Variants in DYNC2H1 observed in about 807,000 individuals in gnomAD.
The protein encoded by DYNC2H1 is cytoplasmic dynein 2 heavy chain 1.
In DYNC2H1, 410 loss-of-function variants were observed where a neutral mutation model predicts 570.0. The observed-to-expected ratio is 0.72, with a 90% CI of 0.66 to 0.78. The LOEUF (loss-of-function observed/expected upper bound fraction) is 0.78, where lower values mean the gene tolerates loss of function less well. DYNC2H1 is among the 30% of genes least tolerant of loss of function. The pLI, the probability that DYNC2H1 is intolerant of heterozygous loss-of-function variation, is 0.00. For missense variants in DYNC2H1, 4,865 were observed against 5,046.4 expected (o/e 0.96, Z 1.09); for synonymous variants, 1,688 against 1,677.6 (o/e 1.01, Z -0.15).
At chr11:103,416,633 C>T (rs961346199) in intron 84 of DYNC2H1, among the ~76,000 whole-genome samples, 3 of 152,170 alleles carry the variant, frequency 2.0e-5, no homozygotes, top group Non-Finnish European at 4.4e-5. Flanking sequence ...TGGACCCCTT[C>T]CTTACACCTT....
chr11:103,477,603 A>G (rs1945595899), intron 88 of DYNC2H1, among the ~76,000 whole-genome samples: 1 of 152,012 alleles, frequency 6.6e-6, no homozygotes, highest in Non-Finnish European at 1.5e-5. Flanking sequence ...AGGCCGAGGC[A>G]CACGTATCAC....
rs1458951047 is a variant in DYNC2H1, at chr11:103,244,777, A to G, written c.9919-474A>G. ...TATATCTATAGTTACAGTTATATACATATAAGTACTATATCTATATATAGT... is the reference window on the plus strand; with the variant it reads ...TATATCTATAGTTACAGTTATATACGTATAAGTACTATATCTATATATAGT... On this transcript the variant is annotated intron_variant, in intron 64 of 88. Coordinates refer to ENST00000375735, the MANE Select transcript of DYNC2H1 (RefSeq NM_001377.3). This position sits in a 1 kb window ranked among gnomAD's most constrained non-coding sequence, Gnocchi z 4.3. 6.7e-6 allele frequency among the ~76,000 whole-genome samples: 1 copy of G among 148,642 alleles called. No homozygotes were observed. The highest frequency in any genetic ancestry group is 1.9e-4 in the East Asian group (1 of 5,152).
intron 84 of DYNC2H1, among the ~76,000 whole-genome samples, chr11:103,434,117 C>G (rs1308538900): frequency 6.6e-6 from 1 of 152,052 alleles, no homozygotes; most frequent in Non-Finnish European, 1.5e-5. Context: ...ATGTTTGCAG[C>G]TGAGTGGTTT....
intron 82 of DYNC2H1, among the ~76,000 whole-genome samples, chr11:103,331,662 G>T (rs1019215913): frequency 6.6e-6 from 1 of 152,090 alleles, no homozygotes; most frequent in African/African-American, 2.4e-5. Flanking sequence ...GCAAGAAAAG[G>T]TACCACTCCA....
At position 103,468,656 on chromosome 11, in the gene DYNC2H1, C is replaced by A; in HGVS notation, c.12716C>A (p.Ser4239Tyr). The change falls in exon 88 of 89, where the codon TCT becomes TAT. Residue 4239 changes from serine (S) to tyrosine (Y), a missense_variant. Ser to Tyr is a moderately radical substitution (Grantham distance 144). Around this residue, in one of 5 missense-constraint regions of DYNC2H1, gnomAD observed 2,401 missense variants for 2,454.6 expected, o/e 0.98. Coordinates refer to ENST00000375735, the MANE Select transcript of DYNC2H1 (RefSeq NM_001377.3). ...GNQLSENQLD[S>Y]PSVSSVLPCF... is the part of the protein sequence containing the mutation. ...CAACTTTCTGAAAATCAGCTTGATT[C>A]TCCCAGCGTGTCATCAGTGCTCCCT... 6.2e-7 allele frequency: 1 copy of A among 1,613,764 alleles called. No individual in the cohort carries two copies. The highest frequency in any genetic ancestry group is 8.5e-7 in the Non-Finnish European group (1 of 1,179,724).
Position 103,133,485 on chromosome 11 carries a change from A to T in DYNC2H1, c.1954-70A>T. On this transcript the variant is annotated intron_variant, in intron 13 of 88. Transcript: ENST00000375735. The surrounding 1 kb of genome is among the most constrained non-coding windows in gnomAD (Gnocchi z 4.8). ...AGAGTTGGGGATAGTTGAACTTTTG[A>T]TATAGAATATTGAAACTTTTGGAAA... 6.9e-7 allele frequency: 1 copy of T among 1,438,934 alleles called. No individual in the cohort carries two copies. 89.1% of individuals were successfully genotyped at this position (1,438,934 alleles called of 1,614,324 possible). A position where few individuals can be genotyped will look rare whatever the true frequency, so the allele number is the denominator to read the frequency against.
At position 103,120,726 on chromosome 11, in the gene DYNC2H1, T is replaced by C; in HGVS notation, c.1172T>C (p.Ile391Thr). ...GCTGCGGTGTCTCAATATGAAAAGA[T>C]TATTGCACCTGCGGAACAAAAAATA... ...WKAAVSQYEKIIAPAEQKIAG... is the reference protein window; with the variant it reads ...WKAAVSQYEKTIAPAEQKIAG... Residue 391 changes from isoleucine (I) to threonine (T), a missense_variant, in exon 8 of 89, where the codon ATT becomes ACT. Ile to Thr is a moderately conservative substitution (Grantham distance 89). Transcript: ENST00000375735. 1.2e-6 allele frequency: 2 copies of C among 1,610,042 alleles called. No homozygotes were observed. Among genetic ancestry groups the C allele is most frequent in the Admixed American group, 1.7e-5 (1 of 59,406 alleles).
At chr11:103,257,512 C>G in intron 68 of DYNC2H1, 96 bp from the exon 69 acceptor site, 3 of 1,208,812 alleles carry the variant, frequency 2.5e-6, no homozygotes, top group Non-Finnish European at 3.3e-6. Flanking sequence ...TTTTTTATTA[C>G]TTGGGTAGAT....
chr11:103,475,597 C>T (rs1399393677), intron 88 of DYNC2H1, among the ~76,000 whole-genome samples: 2 of 152,072 alleles, frequency 1.3e-5, no homozygotes, highest in African/African-American at 4.8e-5. Context: ...GTAACATTTA[C>T]CACTGAAGAG....
chr11:103,418,259 T>C (rs1374819243), intron 84 of DYNC2H1, among the ~76,000 whole-genome samples: 1 of 152,136 alleles, frequency 6.6e-6, no homozygotes, highest in Non-Finnish European at 1.5e-5. Context: ...GATACTATCA[T>C]CTATTTACAA....
At chr11:103,441,441 T>C (rs1488778328) in intron 85 of DYNC2H1, among the ~76,000 whole-genome samples, 7 of 152,014 alleles carry the variant, frequency 4.6e-5, no homozygotes, top group Admixed American at 3.9e-4. Context: ...CTGTATATTA[T>C]AATCTATTTA....
At chr11:103,387,333 CT>C (rs1236929987) in intron 83 of DYNC2H1, among the ~76,000 whole-genome samples, 1 of 152,148 alleles carries the variant, frequency 6.6e-6, no homozygotes, top group Non-Finnish European at 1.5e-5. Context: ...CCTTCACCTA[CT>C]TGTTGATGGG....
At position 103,463,862 on chromosome 11, in the gene DYNC2H1, C is replaced by A. The variant is rs148973528; in HGVS notation, c.12649-4727C>A. ...TGAAAGACAAAGAAATAGCCTGACT[C>A]CTTAGATGCTGAATCTCACTACCTA... On this transcript the variant is annotated intron_variant, in intron 87 of 88. Coordinates refer to ENST00000375735, the MANE Select transcript of DYNC2H1 (RefSeq NM_001377.3). Among the ~76,000 whole-genome samples, 23 of 152,276 alleles carry A rather than the reference C, an allele frequency of 1.5e-4. No individual in the cohort carries two copies. The East Asian group carries it at 4.2e-3, about 28-fold the overall frequency.
rs1201037690 is a variant in DYNC2H1 at position 103,395,375 on chromosome 11, T to C, written c.12157-4288T>C. Among the ~76,000 whole-genome samples, 1 of 151,762 alleles carries C rather than the reference T, an allele frequency of 6.6e-6. No individual in the cohort carries two copies. The highest frequency in any genetic ancestry group is 2.4e-5 in the African/African-American group (1 of 41,328). ...GTATTATGTATATCCTCATATATAA[T>C]ATATATTCTGAAAGATCTGATGTGC... is the stretch of plus-strand genomic sequence containing the variant. On this transcript the variant is annotated intron_variant, in intron 83 of 88. Transcript: ENST00000375735. This position sits in a 1 kb window ranked among gnomAD's most constrained non-coding sequence, Gnocchi z 4.3.
At chr11:103,316,253 A>G (rs906223882) in intron 79 of DYNC2H1, among the ~76,000 whole-genome samples, 2 of 152,034 alleles carry the variant, frequency 1.3e-5, no homozygotes, top group African/African-American at 4.8e-5. Flanking sequence ...CAATGTATAT[A>G]TAGCAATTAG....
chr11:103,338,332 C>A (rs944009648), intron 82 of DYNC2H1, among the ~76,000 whole-genome samples: 1 of 152,016 alleles, frequency 6.6e-6, no homozygotes, highest in Admixed American at 6.6e-5. Flanking sequence ...GTTCTTTTTG[C>A]TCATGATTGC....
At chr11:103,171,233 A>G (rs1861555928) in intron 34 of DYNC2H1, among the ~76,000 whole-genome samples, 165 bp downstream of exon 34, 1 of 151,708 alleles carries the variant, frequency 6.6e-6, no homozygotes, top group Non-Finnish European at 1.5e-5. Context: ...GAGGTTTCTT[A>G]CCCTTTTTTG....
At chr11:103,467,784 G>T (rs940174940) in intron 87 of DYNC2H1, among the ~76,000 whole-genome samples, 1 of 152,092 alleles carries the variant, frequency 6.6e-6, no homozygotes, top group Non-Finnish European at 1.5e-5. Flanking sequence ...TGATCCGCCC[G>T]CCTCAGCCTC....
intron 75 of DYNC2H1, among the ~76,000 whole-genome samples, chr11:103,294,044 A>G (rs1591536389): frequency 6.6e-6 from 1 of 152,064 alleles, no homozygotes; most frequent in African/African-American, 2.4e-5. Flanking sequence ...ACACCACTGC[A>G]CTCCAGCCTG....
Sources: gnomAD v4.1 joint callset for allele counts (sites outside exome capture counted in the v4.1 genomes callset) on GRCh38, gnomAD v4.1.1 for gene constraint, gnomAD v4.1.1 regional missense constraint, Gnocchi (gnomAD v3.1) non-coding constraint, MANE v1.5 for transcripts, NCBI Gene and HGNC (gene_info 2026-07-23, HGNC 2026-07-21) for gene names.